TSPAN9: variants seen among roughly 807,000 people sequenced by gnomAD.
TSPAN9 encodes tetraspanin 9.
In TSPAN9, 16 loss-of-function variants were observed where a neutral mutation model predicts 31.0. That is an observed-to-expected ratio of 0.52 (90% CI 0.35 to 0.78). The LOEUF (loss-of-function observed/expected upper bound fraction) is 0.78. Ranked by LOEUF, TSPAN9 falls within the 30% of genes least tolerant of loss-of-function variation. The pLI is 0.01. For synonymous variants in TSPAN9, 145 were observed against 121.6 expected (o/e 1.19, Z -1.27); for missense variants, 272 against 312.5 (o/e 0.87, Z 0.98).
chr12:3,220,411 A>G (rs1279003337), intron 3 of TSPAN9, among the ~76,000 whole-genome samples: 1 of 152,206 alleles, frequency 6.6e-6, no homozygotes, highest in Non-Finnish European at 1.5e-5. Flanking sequence ...TCTAGGGTGC[A>G]TGGGTGGGCA....
At chr12:3,257,296 G>C (rs1020045511) in intron 3 of TSPAN9, among the ~76,000 whole-genome samples, 3 of 151,910 alleles carry the variant, frequency 2.0e-5, no homozygotes, top group African/African-American at 7.3e-5. Flanking sequence ...TTTCCTTCGT[G>C]CACCTTGGGG....
intron 3 of TSPAN9, among the ~76,000 whole-genome samples, chr12:3,233,055 G>A (rs577779073): frequency 1.3e-5 from 2 of 152,282 alleles, no homozygotes; most frequent in East Asian, 1.9e-4. Context: ...CTGATCACAG[G>A]TGTGGGGAGG....
chr12:3,222,448 G>A (rs2098385074), intron 3 of TSPAN9, among the ~76,000 whole-genome samples: 1 of 152,178 alleles, frequency 6.6e-6, no homozygotes, highest in Admixed American at 6.5e-5. Context: ...ACGTCTCCAG[G>A]CGTAAGACCT....
At chr12:3,167,526 T>A (rs1230704106) in intron 2 of TSPAN9, among the ~76,000 whole-genome samples, 1 of 152,178 alleles carries the variant, frequency 6.6e-6, no homozygotes, top group African/African-American at 2.4e-5. Flanking sequence ...TGGTGCTTGG[T>A]GTACAGGTGC....
intron 3 of TSPAN9, among the ~76,000 whole-genome samples, chr12:3,236,811 G>C (rs1207061589): frequency 6.6e-6 from 1 of 152,070 alleles, no homozygotes; most frequent in Admixed American, 6.6e-5. Flanking sequence ...GACGTACAGG[G>C]ATATAGCTCA....
intron 2 of TSPAN9, among the ~76,000 whole-genome samples, chr12:3,129,816 T>G (rs1591640123): frequency 6.6e-6 from 1 of 152,214 alleles, no homozygotes; most frequent in East Asian, 1.9e-4. Context: ...GAACGGTTCC[T>G]GCCGTGTGGA....
intron 3 of TSPAN9, among the ~76,000 whole-genome samples, chr12:3,203,860 G>C (rs1158160545): frequency 6.6e-6 from 1 of 152,150 alleles, no homozygotes; most frequent in Non-Finnish European, 1.5e-5. Context: ...CCAGGATGTG[G>C]GGGCTGTGGG....
rs966679458 is a variant in TSPAN9 at position 3,187,243 on chromosome 12, C to T, written c.-17-13934C>T. On this transcript the variant is annotated intron_variant, in intron 2 of 8. Transcript: ENST00000011898. This position sits in a 1 kb window ranked among gnomAD's most constrained non-coding sequence, Gnocchi z 5.2. ...TGAGGGTGATGAAGGTTGGGGTTGG[C>T]GGGGCAGTGGTGTGTTTTCCAGGAT... is the stretch of plus-strand genomic sequence containing the variant. Among the ~76,000 whole-genome samples, 12 of 152,194 alleles carry T rather than the reference C, an allele frequency of 7.9e-5. 1 individual carries two copies. The highest frequency in any genetic ancestry group is 7.4e-5 in the Non-Finnish European group (5 of 68,002).
At chr12:3,206,887 T>C (rs965352625) in intron 3 of TSPAN9, among the ~76,000 whole-genome samples, 13 of 152,144 alleles carry the variant, frequency 8.5e-5, no homozygotes, top group African/African-American at 3.1e-4. Context: ...GAAGGATGAA[T>C]AGGAGCTTGC....
chr12:3,109,047 T>C (rs1012209229), intron 2 of TSPAN9, among the ~76,000 whole-genome samples: 1 of 151,992 alleles, frequency 6.6e-6, no homozygotes, highest in Non-Finnish European at 1.5e-5. Context: ...ACCATTCTCC[T>C]GTCTCAGCCT....
intron 2 of TSPAN9, among the ~76,000 whole-genome samples, chr12:3,199,778 C>A (rs140070614): frequency 6.6e-6 from 1 of 152,106 alleles, no homozygotes. Flanking sequence ...CCCGCAGAGG[C>A]CCCCGGCGCT....
At chr12:3,157,451 G>T (rs1591652472) in intron 2 of TSPAN9, among the ~76,000 whole-genome samples, 1 of 152,254 alleles carries the variant, frequency 6.6e-6, no homozygotes, top group East Asian at 1.9e-4. Flanking sequence ...GACACATGTG[G>T]GTTCAAGCTT....
chr12:3,089,188 C>T (rs1016641583), intron 2 of TSPAN9, among the ~76,000 whole-genome samples: 5 of 148,086 alleles, frequency 3.4e-5, no homozygotes, highest in Admixed American at 6.7e-5. Flanking sequence ...GCTGAGATCG[C>T]GCCACTGCAC....
intron 3 of TSPAN9, among the ~76,000 whole-genome samples, chr12:3,247,060 A>G (rs577272974): frequency 1.9e-4 from 29 of 152,240 alleles, no homozygotes; most frequent in African/African-American, 6.5e-4. Context: ...GGCAGAGAAG[A>G]GGAGCAACGT....
chr12:3,126,385 C>T (rs550952336), intron 2 of TSPAN9, among the ~76,000 whole-genome samples: 14 of 152,182 alleles, frequency 9.2e-5, no homozygotes, highest in Non-Finnish European at 1.8e-4. Context: ...TCCTAGGCTA[C>T]AAACTTGTAC....
At chr12:3,198,150 C>T (rs1352880023) in intron 2 of TSPAN9, among the ~76,000 whole-genome samples, 3 of 86,768 alleles carry the variant, frequency 3.5e-5, no homozygotes, top group South Asian at 4.1e-4. Context: ...CAGGTCACCA[C>T]CAGCACAGGC....
At chr12:3,134,946 C>T (rs866472833) in intron 2 of TSPAN9, among the ~76,000 whole-genome samples, 17 of 152,168 alleles carry the variant, frequency 1.1e-4, no homozygotes, top group Middle Eastern at 3.4e-3. Flanking sequence ...GCATGGCAAA[C>T]GCAGGGGCTG....
intron 3 of TSPAN9, among the ~76,000 whole-genome samples, chr12:3,266,885 AGT>A: frequency 6.6e-6 from 1 of 152,242 alleles, no homozygotes; most frequent in East Asian, 1.9e-4. Context: ...AGAGCTAGAG[AGT>A]GTGTGGGTGG....
At chr12:3,216,229 A>G (rs1005591626) in intron 3 of TSPAN9, among the ~76,000 whole-genome samples, 3 of 152,088 alleles carry the variant, frequency 2.0e-5, no homozygotes, top group Non-Finnish European at 4.4e-5. Flanking sequence ...TGCTTGGGCT[A>G]TCTGCCTGTG....
Sources: allele counts gnomAD v4.1 joint callset (sites outside exome capture counted in the v4.1 genomes callset), GRCh38; gene constraint gnomAD v4.1.1; non-coding constraint Gnocchi (gnomAD v3.1); transcripts MANE v1.5; gene names NCBI Gene and HGNC (gene_info 2026-07-23, HGNC 2026-07-21).